CLDN14: variants seen among roughly 807,000 people sequenced by gnomAD.
The protein encoded by CLDN14 is claudin-14.
Under a neutral mutation model 2.1 loss-of-function variants are expected in CLDN14, and 2 were observed. The ratio of observed to expected loss-of-function variants is 0.96; its 90% CI spans 0.39 to 3.01. CLDN14 has a LOEUF of 3.01. Among genes scored for constraint, CLDN14 ranks in the 30% most tolerant of loss-of-function variants. CLDN14 has a pLI of 0.09. For synonymous variants in CLDN14, 136 were observed against 154.4 expected (o/e 0.88, Z 0.88); for missense variants, 298 against 328.0 (o/e 0.91, Z 0.71).
intron 1 of CLDN14, among the ~76,000 whole-genome samples, chr21:36,539,423 AGT>A (rs531008593): frequency 2.2e-3 from 198 of 91,474 alleles, no homozygotes; most frequent in African/African-American, 7.9e-3. Flanking sequence ...GTGACTGTGG[AGT>A]GTGTGTGTGG....
intron 1 of CLDN14, among the ~76,000 whole-genome samples, chr21:36,564,380 G>T (rs1342461601): frequency 1.3e-5 from 2 of 152,218 alleles, no homozygotes; most frequent in African/African-American, 4.8e-5. Flanking sequence ...AGTGTGAAGA[G>T]TTGGGATGGA....
At chr21:36,520,241 C>G (rs2087259957) in intron 1 of CLDN14, among the ~76,000 whole-genome samples, 2 of 152,152 alleles carry the variant, frequency 1.3e-5, no homozygotes, top group African/African-American at 4.8e-5. Flanking sequence ...AGGACACTGA[C>G]CAGTGGATTG....
intron 2 of CLDN14, among the ~76,000 whole-genome samples, chr21:36,502,186 A>T (rs573163700): frequency 6.6e-6 from 1 of 152,360 alleles, no homozygotes; most frequent in South Asian, 2.1e-4. Context: ...CCTTAGAATT[A>T]TTATCCGAAT....
intron 2 of CLDN14, among the ~76,000 whole-genome samples, chr21:36,491,559 C>T (rs1204641296): frequency 6.6e-6 from 1 of 152,190 alleles, no homozygotes; most frequent in African/African-American, 2.4e-5. Context: ...GTATTTGCTA[C>T]AGGATCTCGC....
chr21:36,523,840 AAAGT>A lies in CLDN14; in HGVS notation c.-219-13344_-219-13341del, dbSNP rs1167090946. Among the ~76,000 whole-genome samples the A allele has an allele frequency of 5.5e-5, 8 of 145,742 alleles. 1 individual carries two copies. The highest frequency in any genetic ancestry group is 1.5e-4 in the African/African-American group (6 of 39,042). On this transcript the variant is annotated intron_variant, in intron 1 of 2. Transcript: ENST00000342108. ...GAAAGAAAGAAAGAAAGAAAGAAAGAAAGTGGATTCGGCACCATCCCTAATAACA... is the reference window on the plus strand; with the variant it reads ...GAAAGAAAGAAAGAAAGAAAGAAAGAGGATTCGGCACCATCCCTAATAACA...
chr21:36,559,499 G>A (rs1469577148), intron 1 of CLDN14, among the ~76,000 whole-genome samples: 1 of 152,150 alleles, frequency 6.6e-6, no homozygotes, highest in African/African-American at 2.4e-5. Context: ...GGCTGGCTGA[G>A]AGTTTTTATC....
At chr21:36,543,679 G>T (rs957086341) in intron 1 of CLDN14, among the ~76,000 whole-genome samples, 6 of 152,158 alleles carry the variant, frequency 3.9e-5, no homozygotes, top group Non-Finnish European at 7.3e-5. Context: ...GAGGCAATGG[G>T]TCCTGAGGCC....
Position 36,551,737 on chromosome 21 carries a change from A to G in CLDN14, c.-220+24674T>C, listed in dbSNP as rs1014585658. 2.6e-5 allele frequency among the ~76,000 whole-genome samples: 4 copies of G among 152,112 alleles called. No homozygotes were observed. Among genetic ancestry groups the G allele is most frequent in the African/African-American group, 9.7e-5 (4 of 41,408 alleles). ...TGTGCTGTAGGATCACAGCAGGGGG[A>G]CAAATTTTCACGTGAAAAGAACAAT... On this transcript the variant is annotated intron_variant, in intron 1 of 2. Transcript: ENST00000342108. This position sits in a 1 kb window ranked among gnomAD's most constrained non-coding sequence, Gnocchi z 4.8.
intron 1 of CLDN14, among the ~76,000 whole-genome samples, chr21:36,539,618 G>T (rs1052708736): frequency 6.7e-6 from 1 of 148,318 alleles, no homozygotes; most frequent in Non-Finnish European, 1.5e-5. Flanking sequence ...TGTATGTGGA[G>T]TGTGTGTGGA....
chr21:36,565,853 C>A (rs1601639376), intron 1 of CLDN14, among the ~76,000 whole-genome samples: 1 of 152,158 alleles, frequency 6.6e-6, no homozygotes, highest in Non-Finnish European at 1.5e-5. Context: ...TTCAGAAGAG[C>A]CAAGGAGCAG....
intron 1 of CLDN14, among the ~76,000 whole-genome samples, chr21:36,543,927 G>C (rs1344669666): frequency 6.6e-6 from 1 of 152,258 alleles, no homozygotes; most frequent in Non-Finnish European, 1.5e-5. Context: ...AAGTGGGAGA[G>C]AGCGTGCATG....
chr21:36,568,708 G>T (rs946185561), intron 1 of CLDN14, among the ~76,000 whole-genome samples: 1 of 152,154 alleles, frequency 6.6e-6, no homozygotes, highest in Non-Finnish European at 1.5e-5. Flanking sequence ...CTGGGCCACA[G>T]AGTGAGACCC....
intron 2 of CLDN14, among the ~76,000 whole-genome samples, chr21:36,496,723 G>A (rs1471560614): frequency 1.1e-4 from 2 of 17,884 alleles, no homozygotes; most frequent in East Asian, 1.6e-3. Flanking sequence ...GGGAGGAAGG[G>A]AGGGAGGAAG....
intron 1 of CLDN14, among the ~76,000 whole-genome samples, chr21:36,574,592 G>A (rs923230261): frequency 6.6e-6 from 1 of 152,184 alleles, no homozygotes; most frequent in Non-Finnish European, 1.5e-5. Context: ...GAACTTTCTG[G>A]TGTGTTCAAA....
intron 1 of CLDN14, among the ~76,000 whole-genome samples, chr21:36,518,592 C>G (rs1206935424): frequency 8.2e-6 from 1 of 121,708 alleles, no homozygotes; most frequent in African/African-American, 2.5e-5. Flanking sequence ...GAGCAAGACT[C>G]TGTCTCAAAC....
chr21:36,511,754 G>A (rs1220415661), intron 1 of CLDN14, among the ~76,000 whole-genome samples: 1 of 152,118 alleles, frequency 6.6e-6, no homozygotes, highest in Admixed American at 6.5e-5. Flanking sequence ...GATATTCACT[G>A]ATGTTATCAG....
chr21:36,571,586 G>T (rs565506144), intron 1 of CLDN14, among the ~76,000 whole-genome samples: 1 of 152,228 alleles, frequency 6.6e-6, no homozygotes, highest in Non-Finnish European at 1.5e-5. Flanking sequence ...AGTTCTTAGA[G>T]TTGGAAGGTT....
intron 2 of CLDN14, among the ~76,000 whole-genome samples, chr21:36,489,158 G>GGAGAGA (rs369533067): frequency 3.0e-4 from 24 of 80,214 alleles, no homozygotes; most frequent in African/African-American, 8.9e-4. Context: ...ATATATATAT[G>GGAGAGA]GAGAGAGAGA....
At chr21:36,543,716 A>T (rs1379161008) in intron 1 of CLDN14, among the ~76,000 whole-genome samples, 2 of 151,776 alleles carry the variant, frequency 1.3e-5, no homozygotes, top group African/African-American at 4.8e-5. Flanking sequence ...CGGAGCTGCG[A>T]CTTGAACCCA....
Sources: allele counts gnomAD v4.1 joint callset (sites outside exome capture counted in the v4.1 genomes callset), GRCh38; gene constraint gnomAD v4.1.1; non-coding constraint Gnocchi (gnomAD v3.1); transcripts MANE v1.5; gene names NCBI Gene and HGNC (gene_info 2026-07-23, HGNC 2026-07-21).